The following FHIT variants were observed in gnomAD, a reference collection of about 807,000 sequenced individuals.
FHIT encodes the protein bis(5'-adenosyl)-triphosphatase.
Under a neutral mutation model 17.9 loss-of-function variants are expected in FHIT, and 19 were observed. The observed-to-expected ratio is 1.06, with a 90% CI of 0.74 to 1.56. The LOEUF is 1.56. Ranked by LOEUF, FHIT falls within the 40% of genes most tolerant of loss-of-function variation. The pLI, the probability that FHIT is intolerant of heterozygous loss-of-function variation, is 0.00. For synonymous variants in FHIT, 81 were observed against 69.7 expected (o/e 1.16, Z -0.81); for missense variants, 248 against 189.2 (o/e 1.31, Z -1.82).
chr3:60,201,933 C>G (rs1157479610), intron 5 of FHIT, among the ~76,000 whole-genome samples: 1 of 152,064 alleles, frequency 6.6e-6, no homozygotes, highest in African/African-American at 2.4e-5. Flanking sequence ...CCACCAAAAC[C>G]ACTCTTACCA....
In FHIT at chr3:60,280,031, C is replaced by CA. The variant is rs34574670; in HGVS notation, c.103+256828dup. Among the ~76,000 whole-genome samples the CA allele has an allele frequency of 9.3e-3, 1,086 of 117,362 alleles. 17 individuals are homozygous for CA. Among genetic ancestry groups the CA allele is most frequent in the South Asian group, 0.065 (231 of 3,580 alleles). The allele number at this position is 117,362 out of a possible 152,430, so 77.0% of individuals were successfully genotyped here. On this transcript the variant is annotated intron_variant, in intron 5 of 9. Coordinates refer to ENST00000492590, the MANE Select transcript of FHIT (RefSeq NM_002012.4). ...TGGGTGACAGAACGAGACTCTGTCT[C>CA]AAAAAAAAAAAAAAAAACAATAGAA...
intron 5 of FHIT, among the ~76,000 whole-genome samples, chr3:60,257,003 T>C (rs192385014): frequency 6.6e-6 from 1 of 152,326 alleles, no homozygotes; most frequent in Admixed American, 6.5e-5. Flanking sequence ...GCAAATTATT[T>C]CCTGTTTGAT....
At chr3:59,947,691 A>G (rs1462718727) in intron 7 of FHIT, among the ~76,000 whole-genome samples, 1 of 152,040 alleles carries the variant, frequency 6.6e-6, no homozygotes, top group African/African-American at 2.4e-5. Context: ...TCTGCCCCTC[A>G]AGGTTAAGAA....
At chr3:60,293,464 G>A (rs536570205) in intron 5 of FHIT, among the ~76,000 whole-genome samples, 121 of 152,212 alleles carry the variant, frequency 7.9e-4, no homozygotes, top group Middle Eastern at 6.8e-3. Context: ...GAGATTAAGC[G>A]TATACTTTAT....
At position 60,883,795 on chromosome 3, in the gene FHIT, G is replaced by A. The variant is rs141506149; in HGVS notation, c.-110-61784C>T. Among the ~76,000 whole-genome samples the A allele has an allele frequency of 5.6e-3, 845 of 152,212 alleles. 10 individuals carry two copies. The highest frequency in any genetic ancestry group is 0.019 in the African/African-American group (805 of 41,548). ...ATTGGGGAAAATGCTTCTGGGCATT[G>A]GTCTGGGCAAAGATTTTTTGGATAA... On this transcript the variant is annotated intron_variant, in intron 3 of 9. Transcript: ENST00000492590.
At chr3:60,213,371 A>T (rs1236233208) in intron 5 of FHIT, among the ~76,000 whole-genome samples, 2 of 152,134 alleles carry the variant, frequency 1.3e-5, no homozygotes, top group African/African-American at 4.8e-5. Flanking sequence ...CTCTACATAG[A>T]TCAGATTTCA....
In FHIT at chr3:60,236,352, T is replaced by A. The variant is rs76457260; in HGVS notation, c.104-222200A>T. On this transcript the variant is annotated intron_variant, in intron 5 of 9. Coordinates refer to ENST00000492590, the MANE Select transcript of FHIT (RefSeq NM_002012.4). The stretch of plus-strand genomic sequence containing the variant: ...CCAGAGACTTCCTCCTCAGAAAATG[T>A]TGAATGAAAGAATCAAATAAATAAA... 1.6e-3 allele frequency among the ~76,000 whole-genome samples: 247 copies of A among 150,864 alleles called. 2 individuals are homozygous for A. The highest frequency in any genetic ancestry group is 5.8e-3 in the African/African-American group (236 of 41,008).
At chr3:59,924,754 G>T (rs1007187626) in intron 7 of FHIT, among the ~76,000 whole-genome samples, 14 of 152,208 alleles carry the variant, frequency 9.2e-5, no homozygotes, top group Admixed American at 3.3e-4. Context: ...TGTGAAAGCT[G>T]ATTTCTGTTG....
At chr3:60,716,477 C>T (rs1056491575) in intron 4 of FHIT, among the ~76,000 whole-genome samples, 3 of 152,062 alleles carry the variant, frequency 2.0e-5, no homozygotes, top group South Asian at 2.1e-4. Context: ...ATCAATATCA[C>T]TGCCTCCCAC....
intron 5 of FHIT, among the ~76,000 whole-genome samples, chr3:60,140,653 A>T (rs950779966): frequency 4.0e-5 from 6 of 148,642 alleles, no homozygotes; most frequent in Non-Finnish European, 8.9e-5. Flanking sequence ...ATCTCAGCTC[A>T]CCGCAACCTC....
At chr3:60,061,536 T>G (rs1702295351) in intron 5 of FHIT, among the ~76,000 whole-genome samples, 2 of 152,228 alleles carry the variant, frequency 1.3e-5, no homozygotes, top group Admixed American at 1.3e-4. Context: ...TGCATTTCGA[T>G]TCCCTGTTTT....
In FHIT at chr3:59,986,766, T is replaced by A. The variant is rs1235660959; in HGVS notation, c.279+24605A>T. Reference sequence around the variant, plus strand: ...TATATTTATATATATATAAATATATTTATATAAATATATAAATATATATAT... The same window carrying A: ...TATATTTATATATATATAAATATATATATATAAATATATAAATATATATAT... On this transcript the variant is annotated intron_variant, in intron 7 of 9. Coordinates refer to ENST00000492590, the MANE Select transcript of FHIT (RefSeq NM_002012.4). 2.5e-3 allele frequency among the ~76,000 whole-genome samples: 92 copies of A among 37,166 alleles called. 37 individuals carry two copies. Among genetic ancestry groups the A allele is most frequent in the South Asian group, 5.0e-3 (4 of 808 alleles). 24.4% of individuals were successfully genotyped at this position (37,166 alleles called of 152,430 possible). A position where few individuals can be genotyped will look rare whatever the true frequency, so the allele number is the denominator to read the frequency against.
chr3:59,961,654 T>C (rs144376625), intron 7 of FHIT, among the ~76,000 whole-genome samples: 19 of 152,270 alleles, frequency 1.2e-4, no homozygotes, highest in African/African-American at 4.3e-4. Context: ...TGGCTTCCCT[T>C]GGCTAGGGGA....
chr3:60,861,329 A>G (rs1553752552), intron 3 of FHIT, among the ~76,000 whole-genome samples: 1 of 135,472 alleles, frequency 7.4e-6, no homozygotes, highest in African/African-American at 3.0e-5. Context: ...TCATTACAGC[A>G]GTTAGCCTAC....
At chr3:60,359,878 A>C (rs940514636) in intron 5 of FHIT, among the ~76,000 whole-genome samples, 1 of 152,270 alleles carries the variant, frequency 6.6e-6, no homozygotes, top group African/African-American at 2.4e-5. Flanking sequence ...AAATCCAACA[A>C]TGATGGGAAA....
chr3:60,419,242 G>T (rs887440954), intron 5 of FHIT, among the ~76,000 whole-genome samples: 2 of 152,194 alleles, frequency 1.3e-5, no homozygotes, highest in African/African-American at 4.8e-5. Context: ...TTTCGTGAGG[G>T]TTGTGATTTA....
chr3:61,158,169 C>A (rs2037583815), intron 2 of FHIT, among the ~76,000 whole-genome samples: 2 of 152,168 alleles, frequency 1.3e-5, no homozygotes, highest in African/African-American at 4.8e-5. Flanking sequence ...TTAGCATTTT[C>A]CACTGTGACA....
At chr3:59,942,414 C>A (rs140841971) in intron 7 of FHIT, among the ~76,000 whole-genome samples, 30 of 152,294 alleles carry the variant, frequency 2.0e-4, no homozygotes, top group Admixed American at 9.8e-4. Flanking sequence ...CCTCCTCATA[C>A]GCCTGTGGAC....
chr3:59,862,688 G>A (rs1163598970), intron 8 of FHIT, among the ~76,000 whole-genome samples: 1 of 152,202 alleles, frequency 6.6e-6, no homozygotes, highest in African/African-American at 2.4e-5. Flanking sequence ...TGATTTAGAA[G>A]GTAATTGCAG....
Sources: allele counts gnomAD v4.1 joint callset (sites outside exome capture counted in the v4.1 genomes callset), GRCh38; gene constraint gnomAD v4.1.1; transcripts MANE v1.5; gene names NCBI Gene and HGNC (gene_info 2026-07-23, HGNC 2026-07-21).